The following NCAM1 variants were observed in gnomAD, a reference collection of about 807,000 sequenced individuals.
The protein encoded by NCAM1 is antigen recognized by monoclonal antibody 5.1H11.
A neutral mutation model predicts 109.8 loss-of-function variants in NCAM1; 14 were observed. That is an observed-to-expected ratio of 0.13 (90% confidence interval 0.08 to 0.20). The LOEUF is 0.20. Ranked by LOEUF, NCAM1 falls within the 10% of genes least tolerant of loss-of-function variation. The probability of loss-of-function intolerance (pLI) is 1.00; values close to 1 mark genes in which losing one functional copy is unlikely to be tolerated. For synonymous variants in NCAM1, 418 were observed against 442.9 expected (o/e 0.94, Z 0.70); for missense variants, 774 against 1,109.9 (o/e 0.70, Z 4.30).
intron 1 of NCAM1, among the ~76,000 whole-genome samples, chr11:113,191,119 C>T (rs1555109805): frequency 6.6e-6 from 1 of 152,194 alleles, no homozygotes; most frequent in East Asian, 1.9e-4. Flanking sequence ...ATCCAACTAG[C>T]AGCCCCCGAC....
rs1950645526 is a variant in NCAM1, at chr11:112,963,891, C to T, written c.52+2227C>T. The stretch of plus-strand genomic sequence containing the variant: ...TAACCAGTGTTCCCTGGAATGAAAG[C>T]GACCTCTTTCCTGGCCCGGTACCTT... On this transcript the variant is annotated intron_variant, in intron 1 of 19. Transcript: ENST00000316851. The surrounding 1 kb of genome is among the most constrained non-coding windows in gnomAD (Gnocchi z 4.6). Among the ~76,000 whole-genome samples the T allele has an allele frequency of 6.6e-6, 1 of 152,118 alleles. No individual in the cohort carries two copies. The highest frequency in any genetic ancestry group is 1.5e-5 in the Non-Finnish European group (1 of 68,024).
chr11:113,097,753 G>A (rs1939673035), intron 1 of NCAM1, among the ~76,000 whole-genome samples: 1 of 152,018 alleles, frequency 6.6e-6, no homozygotes, highest in African/African-American at 2.4e-5. Context: ...TATCATTAAT[G>A]GACATGTATT....
intron 14 of NCAM1, chr11:113,243,074 G>T (rs970514150): frequency 3.9e-6 from 3 of 774,398 alleles, no homozygotes; most frequent in Admixed American, 6.3e-5. Context: ...AGAATACTCC[G>T]TGCATGAGGA....
intron 1 of NCAM1, among the ~76,000 whole-genome samples, chr11:112,976,499 G>A (rs923218912): frequency 3.3e-5 from 5 of 151,934 alleles, no homozygotes; most frequent in Non-Finnish European, 7.4e-5. Context: ...GGTGGGATTG[G>A]TTGTATGTCT....
chr11:113,163,919 G>A (rs144273613), intron 1 of NCAM1, among the ~76,000 whole-genome samples: 41 of 152,264 alleles, frequency 2.7e-4, no homozygotes, highest in African/African-American at 9.6e-4. Context: ...AATTTCACAA[G>A]GGAGGTGCTG....
intron 1 of NCAM1, among the ~76,000 whole-genome samples, chr11:113,184,576 A>G (rs1472203594): frequency 6.6e-6 from 1 of 152,182 alleles, no homozygotes; most frequent in South Asian, 2.1e-4. Flanking sequence ...TGCCTCATAC[A>G]TACCCACACC....
At chr11:113,172,533 T>C (rs1409958787) in intron 1 of NCAM1, among the ~76,000 whole-genome samples, 1 of 152,248 alleles carries the variant, frequency 6.6e-6, no homozygotes, top group Non-Finnish European at 1.5e-5. Context: ...TGTCTGGGTC[T>C]TTTATTTTGC....
At chr11:113,010,276 G>C (rs1257758048) in intron 1 of NCAM1, among the ~76,000 whole-genome samples, 3 of 151,894 alleles carry the variant, frequency 2.0e-5, no homozygotes, top group Non-Finnish European at 4.4e-5. Context: ...ATTATGATTT[G>C]GTTTTAAAAA....
intron 1 of NCAM1, among the ~76,000 whole-genome samples, chr11:113,153,277 G>A (rs1398571788): frequency 6.6e-6 from 1 of 152,072 alleles, no homozygotes; most frequent in South Asian, 2.1e-4. Flanking sequence ...TCCTGACCTC[G>A]TGATCCACCC....
chr11:113,082,029 G>A (rs1043056881), intron 1 of NCAM1, among the ~76,000 whole-genome samples: 1 of 152,220 alleles, frequency 6.6e-6, no homozygotes, highest in Admixed American at 6.5e-5. Flanking sequence ...TACTAATATT[G>A]TCTTTTAATG....
chr11:113,093,378 G>A (rs560264350), intron 1 of NCAM1, among the ~76,000 whole-genome samples: 15 of 152,288 alleles, frequency 9.8e-5, no homozygotes, highest in African/African-American at 2.6e-4. Context: ...TCAAGTAGGC[G>A]TTCAGAGAAG....
chr11:113,119,660 G>A (rs1940866687), intron 1 of NCAM1, among the ~76,000 whole-genome samples: 1 of 152,162 alleles, frequency 6.6e-6, no homozygotes, highest in Non-Finnish European at 1.5e-5. Flanking sequence ...TCTCTAGGGA[G>A]TTGTCTGGTT....
At chr11:113,265,053 T>C in intron 17 of NCAM1, 1 of 985,464 alleles carries the variant, frequency 1.0e-6, no homozygotes, top group East Asian at 1.1e-4. Flanking sequence ...GGGGCCCCTT[T>C]GCTCATTTTT....
At chr11:113,149,865 T>C (rs1296418264) in intron 1 of NCAM1, among the ~76,000 whole-genome samples, 1 of 152,086 alleles carries the variant, frequency 6.6e-6, no homozygotes, top group Non-Finnish European at 1.5e-5. Flanking sequence ...GAATACGGAG[T>C]TGTGGACTTC....
intron 1 of NCAM1, among the ~76,000 whole-genome samples, chr11:113,136,144 C>A (rs1941587936): frequency 3.3e-5 from 5 of 152,148 alleles, no homozygotes. Context: ...AAAACGAGAT[C>A]CTGTCTGTAA....
At chr11:113,219,881 G>C (rs565965323) in intron 8 of NCAM1, among the ~76,000 whole-genome samples, 1 of 152,310 alleles carries the variant, frequency 6.6e-6, no homozygotes, top group East Asian at 1.9e-4. Context: ...TTTGGTCTCT[G>C]CATGTTCCTC....
intron 9 of NCAM1, among the ~76,000 whole-genome samples, chr11:113,227,542 A>C (rs2137174764): frequency 6.6e-6 from 1 of 152,342 alleles, no homozygotes; most frequent in African/African-American, 2.4e-5. Flanking sequence ...AAACTATTCC[A>C]ATCAATAGAA....
chr11:113,163,959 C>G (rs576764585), intron 1 of NCAM1, among the ~76,000 whole-genome samples: 2 of 152,020 alleles, frequency 1.3e-5, no homozygotes, highest in African/African-American at 4.8e-5. Flanking sequence ...ACTGTAGGAC[C>G]CTACCCACTG....
chr11:113,011,931 TTCCTTCTC>T (rs1565381177), intron 1 of NCAM1, among the ~76,000 whole-genome samples: 1 of 151,900 alleles, frequency 6.6e-6, no homozygotes, highest in Non-Finnish European at 1.5e-5. Flanking sequence ...CTTTCCTTCT[TTCCTTCTC>T]TCCTTCTCTC....
Sources: gnomAD v4.1 joint callset for allele counts (sites outside exome capture counted in the v4.1 genomes callset) on GRCh38, gnomAD v4.1.1 for gene constraint, Gnocchi (gnomAD v3.1) non-coding constraint, MANE v1.5 for transcripts, NCBI Gene and HGNC (gene_info 2026-07-23, HGNC 2026-07-21) for gene names.